WNK2: variants seen among roughly 807,000 people sequenced by gnomAD.
The protein encoded by WNK2 is WNK lysine deficient protein kinase 2, also known as serine/threonine-protein kinase WNK2.
In WNK2, 67 loss-of-function variants were observed where a neutral mutation model predicts 192.1. That is an observed-to-expected ratio of 0.35 (90% CI 0.29 to 0.43). The LOEUF is 0.43. Among genes scored for constraint, WNK2 ranks in the 20% least tolerant of loss-of-function variants. The probability of loss-of-function intolerance (pLI) is 1.00; values close to 1 mark genes in which losing one functional copy is unlikely to be tolerated. For missense variants in WNK2, 2,698 were observed against 3,089.7 expected (o/e 0.87, Z 3.01); for synonymous variants, 1,439 against 1,393.9 (o/e 1.03, Z -0.72).
At chr9:93,187,355 G>A (rs1423879130) in intron 2 of WNK2, among the ~76,000 whole-genome samples, 1 of 152,282 alleles carries the variant, frequency 6.6e-6, no homozygotes, top group Admixed American at 6.5e-5. Context: ...AACAGCAACC[G>A]AGAGGTGCTT....
chr9:93,187,054 G>A (rs773342176), intron 2 of WNK2, among the ~76,000 whole-genome samples: 3 of 152,174 alleles, frequency 2.0e-5, no homozygotes, highest in Non-Finnish European at 2.9e-5. Flanking sequence ...TGATTCTGGC[G>A]AGCGGTCTTC....
intron 2 of WNK2, among the ~76,000 whole-genome samples, chr9:93,195,477 T>A (rs1831071059): frequency 6.6e-6 from 1 of 152,082 alleles, no homozygotes; most frequent in South Asian, 2.1e-4. Context: ...GGCAGGTGGA[T>A]CACTTGAGGT....
chr9:93,277,622 A>G (rs111856788), intron 19 of WNK2, among the ~76,000 whole-genome samples: 90 of 152,356 alleles, frequency 5.9e-4, no homozygotes, highest in African/African-American at 1.9e-3. Context: ...ATTTATAATG[A>G]CATTCTAAAA....
chr9:93,312,264 C>G (rs1853796378), intron 28 of WNK2, among the ~76,000 whole-genome samples: 1 of 152,202 alleles, frequency 6.6e-6, no homozygotes, highest in Non-Finnish European at 1.5e-5. Context: ...TAGTGAAATA[C>G]CCAAGAAATC....
chr9:93,264,601 C>T (rs543029032), intron 16 of WNK2, among the ~76,000 whole-genome samples: 23 of 152,330 alleles, frequency 1.5e-4, no homozygotes, highest in African/African-American at 5.1e-4. Flanking sequence ...GGATCGTTTT[C>T]GGGCCCTCAG....
chr9:93,192,738 G>T (rs1830556548), intron 2 of WNK2, among the ~76,000 whole-genome samples: 1 of 152,214 alleles, frequency 6.6e-6, no homozygotes, highest in Non-Finnish European at 1.5e-5. Flanking sequence ...GAACTGTGCT[G>T]CACCTTAAAG....
chr9:93,313,641 AATTTTCATATTCTTAT>A (rs1337443005), intron 28 of WNK2, among the ~76,000 whole-genome samples: 1 of 152,160 alleles, frequency 6.6e-6, no homozygotes, highest in Admixed American at 6.5e-5. Context: ...CAAATTAAAC[AATTTTCATATTCTTAT>A]ATTTTCATAT....
intron 2 of WNK2, among the ~76,000 whole-genome samples, chr9:93,188,008 CCA>C (rs1829653619): frequency 6.6e-6 from 1 of 152,098 alleles, no homozygotes; most frequent in Non-Finnish European, 1.5e-5. Context: ...CTCTCTTAGT[CCA>C]CAGTGTGGAG....
At chr9:93,260,329 T>G (rs1844028498) in intron 12 of WNK2, among the ~76,000 whole-genome samples, 4 of 152,160 alleles carry the variant, frequency 2.6e-5, no homozygotes, top group Admixed American at 1.3e-4. Flanking sequence ...TATGGGAGCC[T>G]TCCCACCTGG....
chr9:93,236,604 G>A lies in WNK2; in HGVS notation c.1234-1629G>A, dbSNP rs116808574. ...CCTAGCAGATTGCAAGCAGCACCTGGCCCCGCCCTGCTGCTTCTGAGTCCG... is the reference window on the plus strand; with the variant it reads ...CCTAGCAGATTGCAAGCAGCACCTGACCCCGCCCTGCTGCTTCTGAGTCCG... On this transcript the variant is annotated intron_variant, in intron 5 of 29. Coordinates refer to ENST00000427277, the MANE Select transcript of WNK2 (RefSeq NM_006648.4). Among the ~76,000 whole-genome samples the A allele has an allele frequency of 2.5e-3, 383 of 152,332 alleles. 4 individuals are homozygous for A. Among genetic ancestry groups the A allele is most frequent in the African/African-American group, 8.8e-3 (365 of 41,574 alleles).
chr9:93,267,985 C>T (rs776655805), intron 17 of WNK2, 35 bp from the exon 18 acceptor site: 2 of 1,607,782 alleles, frequency 1.2e-6, no homozygotes, highest in Admixed American at 3.4e-5. Flanking sequence ...CGCTGCAGCT[C>T]AGTGGGCTCA....
chr9:93,230,198 G>A (rs764092590), intron 3 of WNK2, among the ~76,000 whole-genome samples: 96 of 152,152 alleles, frequency 6.3e-4, no homozygotes, highest in Middle Eastern at 3.2e-3. Flanking sequence ...GTTAGTGAGG[G>A]CTGGGGAGTG....
At chr9:93,304,314 C>T (rs943291312) in intron 26 of WNK2, among the ~76,000 whole-genome samples, 9 of 152,214 alleles carry the variant, frequency 5.9e-5, no homozygotes, top group Admixed American at 5.2e-4. Context: ...CAGCTGATGT[C>T]GGCTGCACAA....
intron 11 of WNK2, among the ~76,000 whole-genome samples, chr9:93,258,111 A>G (rs1038927555): frequency 1.6e-4 from 25 of 152,332 alleles, no homozygotes; most frequent in Admixed American, 7.2e-4. Context: ...TGAAATCGTT[A>G]TCTTGCTCGT....
At chr9:93,304,387 A>G (rs570552418) in intron 26 of WNK2, among the ~76,000 whole-genome samples, 1 of 152,332 alleles carries the variant, frequency 6.6e-6, no homozygotes, top group South Asian at 2.1e-4. Context: ...CCACTTTTAC[A>G]TTCTGGGAAG....
intron 2 of WNK2, among the ~76,000 whole-genome samples, chr9:93,208,050 C>A (rs1833713796): frequency 6.6e-6 from 1 of 152,164 alleles, no homozygotes; most frequent in South Asian, 2.1e-4. Context: ...GCCTCCGGTG[C>A]CTGGCTTTTC....
At chr9:93,265,694 A>C (rs1845052808) in intron 16 of WNK2, among the ~76,000 whole-genome samples, 1 of 152,250 alleles carries the variant, frequency 6.6e-6, no homozygotes, top group African/African-American at 2.4e-5. Flanking sequence ...ACACCCGTGA[A>C]GTTATCACTC....
At chr9:93,293,219 G>A (rs1849657683) in intron 23 of WNK2, 46 bp downstream of exon 23, 3 of 1,401,064 alleles carry the variant, frequency 2.1e-6, no homozygotes, top group African/African-American at 1.5e-5. Flanking sequence ...CTGGGCCATG[G>A]CACCCCTTCC....
intron 23 of WNK2, among the ~76,000 whole-genome samples, chr9:93,296,405 C>T (rs1207719005): frequency 5.9e-5 from 1 of 17,064 alleles, no homozygotes. Flanking sequence ...CTCCCCTCAC[C>T]TTCCTCCCCC....
Sources: allele counts gnomAD v4.1 joint callset (sites outside exome capture counted in the v4.1 genomes callset), GRCh38; gene constraint gnomAD v4.1.1; transcripts MANE v1.5; gene names NCBI Gene and HGNC (gene_info 2026-07-23, HGNC 2026-07-21).